The following MCPH1 variants were observed in gnomAD, a reference collection of about 807,000 sequenced individuals.
MCPH1 encodes microcephalin 1, also known as microcephalin.
Under a neutral mutation model 84.5 loss-of-function variants are expected in MCPH1, and 104 were observed. That is an observed-to-expected ratio of 1.23 (90% CI 1.05 to 1.45). The LOEUF (loss-of-function observed/expected upper bound fraction) is 1.45, where lower values mean the gene tolerates loss of function less well. MCPH1 is among the 40% of genes most tolerant of loss of function. MCPH1 has a pLI of 0.00. For synonymous variants in MCPH1, 514 were observed against 366.8 expected (o/e 1.40, Z -4.58); for missense variants, 1,498 against 1,005.7 (o/e 1.49, Z -6.62).
intron 8 of MCPH1, among the ~76,000 whole-genome samples, chr8:6,448,976 G>GA (rs1804744513): frequency 6.6e-6 from 1 of 152,020 alleles, no homozygotes; most frequent in Non-Finnish European, 1.5e-5. Context: ...CTATTAATGA[G>GA]AAAAATAAAA....
At chr8:6,468,100 A>G (rs73661751) in intron 9 of MCPH1, among the ~76,000 whole-genome samples, 2,191 of 152,270 alleles carry the variant, frequency 0.014, 56 homozygotes, top group African/African-American at 0.051. Context: ...ATTTGAGCAC[A>G]TTGCTTTTTG....
At chr8:6,552,689 A>G (rs1448160684) in intron 12 of MCPH1, among the ~76,000 whole-genome samples, 2 of 152,194 alleles carry the variant, frequency 1.3e-5, no homozygotes, top group Non-Finnish European at 1.5e-5. Flanking sequence ...TGAAACACAT[A>G]ATAACCCTAC....
chr8:6,449,524 T>C (rs1804826274), intron 8 of MCPH1, among the ~76,000 whole-genome samples: 1 of 151,962 alleles, frequency 6.6e-6, no homozygotes, highest in African/African-American at 2.4e-5. Flanking sequence ...TCTCAGCTAC[T>C]TGGGAGGCTG....
chr8:6,515,399 C>A (rs916701820), intron 12 of MCPH1, among the ~76,000 whole-genome samples: 1 of 152,182 alleles, frequency 6.6e-6, no homozygotes, highest in Non-Finnish European at 1.5e-5. Context: ...AGGTGTGTGA[C>A]CTGGGCTTGG....
chr8:6,540,509 C>T (rs751539942), intron 12 of MCPH1, among the ~76,000 whole-genome samples: 3 of 152,214 alleles, frequency 2.0e-5, no homozygotes, highest in Non-Finnish European at 4.4e-5. Context: ...TGTGAGCGTG[C>T]AGCCTCATGG....
intron 12 of MCPH1, among the ~76,000 whole-genome samples, chr8:6,613,257 A>T (rs1408532103): frequency 2.6e-5 from 4 of 152,208 alleles, no homozygotes; most frequent in Non-Finnish European, 5.9e-5. Context: ...GGCCAGGCAG[A>T]GGAGGGGAGG....
Position 6,411,097 on chromosome 8 carries a change from C to CA in MCPH1, c.114+1734dup, listed in dbSNP as rs372663519. Reference sequence around the variant, plus strand: ...GGAGTAAGATTCTGTCTCCAAAAACCAAAAAAATAGGCACTAGTAGGATCC... The same window carrying CA: ...GGAGTAAGATTCTGTCTCCAAAAACCAAAAAAAATAGGCACTAGTAGGATCC... On this transcript the variant is annotated intron_variant, in intron 2 of 13. Coordinates refer to ENST00000344683, the MANE Select transcript of MCPH1 (RefSeq NM_024596.5). 1.3e-3 allele frequency among the ~76,000 whole-genome samples: 194 copies of CA among 151,848 alleles called. 1 individual carries two copies. The highest frequency in any genetic ancestry group is 4.6e-3 in the African/African-American group (190 of 41,404).
intron 13 of MCPH1, among the ~76,000 whole-genome samples, chr8:6,627,663 G>A (rs932789355): frequency 2.0e-5 from 3 of 152,172 alleles, no homozygotes; most frequent in African/African-American, 7.2e-5. Context: ...GGCCGAGGCG[G>A]GTGGGTCGTT....
At chr8:6,546,673 A>G (rs1043862051) in intron 12 of MCPH1, among the ~76,000 whole-genome samples, 4 of 152,212 alleles carry the variant, frequency 2.6e-5, no homozygotes, top group African/African-American at 9.7e-5. Context: ...AAATAGAGAA[A>G]AAATAGTGAA....
chr8:6,547,913 C>G (rs1822904250), intron 12 of MCPH1, among the ~76,000 whole-genome samples: 2 of 149,510 alleles, frequency 1.3e-5, no homozygotes, highest in Admixed American at 1.3e-4. Context: ...AACCAAAACT[C>G]ACTGTGGTTA....
intron 9 of MCPH1, among the ~76,000 whole-genome samples, chr8:6,476,084 A>G (rs1353069265): frequency 5.9e-5 from 9 of 152,170 alleles, no homozygotes; most frequent in Non-Finnish European, 1.2e-4. Flanking sequence ...TGGCATTTCC[A>G]CAGTACAATA....
chr8:6,516,709 G>T (rs1043765103), intron 12 of MCPH1, among the ~76,000 whole-genome samples: 1 of 152,160 alleles, frequency 6.6e-6, no homozygotes, highest in African/African-American at 2.4e-5. Flanking sequence ...ATCCTAAATG[G>T]TATGCTCTTG....
chr8:6,534,857 C>G (rs1563083056), intron 12 of MCPH1, among the ~76,000 whole-genome samples: 2 of 152,128 alleles, frequency 1.3e-5, no homozygotes. Context: ...TTGAAATAAA[C>G]TATTTAAAAG....
intron 12 of MCPH1, among the ~76,000 whole-genome samples, chr8:6,551,407 A>G (rs1273024595): frequency 6.6e-6 from 1 of 152,262 alleles, no homozygotes; most frequent in Middle Eastern, 3.2e-3. Flanking sequence ...TATATGTATT[A>G]AAAGTTGTCC....
intron 12 of MCPH1, among the ~76,000 whole-genome samples, chr8:6,579,639 C>G (rs1289853551): frequency 6.6e-6 from 1 of 152,062 alleles, no homozygotes; most frequent in Admixed American, 6.5e-5. Flanking sequence ...ATAAAATTAA[C>G]CCCTTAATCT....
intron 5 of MCPH1, among the ~76,000 whole-genome samples, chr8:6,437,899 C>T (rs750750443): frequency 4.2e-4 from 64 of 152,230 alleles, no homozygotes; most frequent in African/African-American, 7.5e-4. Context: ...CGCTGCCCTC[C>T]ACTGTCTCCT....
chr8:6,635,189 G>A (rs1797456231), intron 13 of MCPH1: 1 of 152,198 alleles, frequency 6.6e-6, no homozygotes, highest in African/African-American at 2.4e-5. Flanking sequence ...TTTTAACATT[G>A]ATAATGAGGC....
intron 12 of MCPH1, among the ~76,000 whole-genome samples, chr8:6,619,739 C>A (rs1831213420): frequency 6.6e-6 from 1 of 152,128 alleles, no homozygotes; most frequent in African/African-American, 2.4e-5. Context: ...TGCCCACCAC[C>A]ACGCCTGGCT....
chr8:6,626,731 G>T (rs940017480), intron 13 of MCPH1: 1 of 985,156 alleles, frequency 1.0e-6, no homozygotes. Context: ...ACTTGGCTGG[G>T]GTGAGGATCA....
Sources: gnomAD v4.1 joint callset for allele counts (sites outside exome capture counted in the v4.1 genomes callset) on GRCh38, gnomAD v4.1.1 for gene constraint, MANE v1.5 for transcripts, NCBI Gene and HGNC (gene_info 2026-07-23, HGNC 2026-07-21) for gene names.